CDH7: variants seen among roughly 807,000 people sequenced by gnomAD.
CDH7 encodes the protein cadherin 7.
Under a neutral mutation model 71.8 loss-of-function variants are expected in CDH7, and 25 were observed. The ratio of observed to expected loss-of-function variants is 0.35; its 90% CI spans 0.25 to 0.49. The LOEUF (loss-of-function observed/expected upper bound fraction) is 0.49. Ranked by LOEUF, CDH7 falls within the 20% of genes least tolerant of loss-of-function variation. The probability of loss-of-function intolerance (pLI) is 0.99; values close to 1 mark genes in which losing one functional copy is unlikely to be tolerated. For synonymous variants in CDH7, 381 were observed against 363.8 expected, an observed-to-expected ratio of 1.05 and a Z score of -0.54; for missense variants, 862 against 974.6, an observed-to-expected ratio of 0.88 and a Z score of 1.54.
At chr18:65,775,843 T>G (rs114029762) in intron 2 of CDH7, among the ~76,000 whole-genome samples, 383 of 152,284 alleles carry the variant, frequency 2.5e-3, no homozygotes, top group African/African-American at 8.4e-3. Context: ...AACAGCCAAG[T>G]CCTTTAAATT....
intron 7 of CDH7, among the ~76,000 whole-genome samples, chr18:65,848,267 A>G (rs144280820): frequency 1.1e-4 from 17 of 152,288 alleles, no homozygotes; most frequent in African/African-American, 3.6e-4. Flanking sequence ...CTGATCAATG[A>G]CTGAACAGGC....
intron 7 of CDH7, among the ~76,000 whole-genome samples, chr18:65,852,055 C>T (rs558318477): frequency 2.6e-4 from 39 of 152,180 alleles, no homozygotes; most frequent in Admixed American, 2.5e-3. Flanking sequence ...GAATGACCAA[C>T]ATGAGAAAAG....
intron 11 of CDH7, chr18:65,866,298 C>CAA (rs764157639): frequency 1.1e-3 from 1 of 944 alleles, no homozygotes; most frequent in Non-Finnish European, 1.6e-3. Flanking sequence ...GACTCCGTCT[C>CAA]AAAAAAAAAA....
At position 65,804,203 on chromosome 18, in the gene CDH7, T is replaced by C. The variant is rs188203957; in HGVS notation, c.211-5501T>C. 3.0e-3 allele frequency among the ~76,000 whole-genome samples: 454 copies of C among 152,272 alleles called. 4 individuals carry two copies. The highest frequency in any genetic ancestry group is 5.0e-3 in the Non-Finnish European group (337 of 68,002). On this transcript the variant is annotated intron_variant, in intron 2 of 11. Transcript: ENST00000397968. ...TTTCAAAGGCAAAGACATCAAAAAG[T>C]GCAACTCTAACATTATAACAATTTA...
intron 2 of CDH7, among the ~76,000 whole-genome samples, chr18:65,805,335 T>C (rs73966309): frequency 0.014 from 2,081 of 152,312 alleles, 48 homozygotes; most frequent in African/African-American, 0.048. Context: ...AAATGCTTGC[T>C]ATGCTCAGGC....
chr18:65,839,495 G>A (rs956111620), intron 6 of CDH7, among the ~76,000 whole-genome samples: 2 of 152,136 alleles, frequency 1.3e-5, no homozygotes, highest in Non-Finnish European at 2.9e-5. Flanking sequence ...CATCACCTTG[G>A]GGGTTAGGAT....
rs1323459207 is a variant in CDH7 at position 65,884,583 on chromosome 18, A to G, written c.*3689A>G. On this transcript the variant is annotated 3_prime_UTR_variant, in exon 12 of 12. Transcript: ENST00000397968. ...ATGGTAGACATAGGCAATTATTTTC[A>G]TGTCAACGGCATAGTTACACAATGT... The G allele has an allele frequency of 6.6e-6, 1 of 152,180 alleles. No individual in the cohort carries two copies. Among genetic ancestry groups the G allele is most frequent in the Non-Finnish European group, 1.5e-5 (1 of 68,034 alleles). 9.4% of individuals were successfully genotyped at this position (152,180 alleles called of 1,614,324 possible).
chr18:65,871,132 T>C (rs1274827122), intron 11 of CDH7, among the ~76,000 whole-genome samples: 1 of 152,202 alleles, frequency 6.6e-6, no homozygotes, highest in Non-Finnish European at 1.5e-5. Flanking sequence ...GTTTACATTT[T>C]ATCTGTGTAT....
At chr18:65,764,723 A>G (rs1916302507) in intron 2 of CDH7, among the ~76,000 whole-genome samples, 1 of 152,074 alleles carries the variant, frequency 6.6e-6, no homozygotes, top group Non-Finnish European at 1.5e-5. Flanking sequence ...AATTTTCTAA[A>G]AGCAGCAAAA....
At chr18:65,797,546 G>A (rs1487506929) in intron 2 of CDH7, among the ~76,000 whole-genome samples, 1 of 152,020 alleles carries the variant, frequency 6.6e-6, no homozygotes, top group African/African-American at 2.4e-5. Context: ...CCTCTCTTAG[G>A]CGTCCTTAGG....
chr18:65,828,281 T>C (rs1912205544), intron 6 of CDH7, among the ~76,000 whole-genome samples: 1 of 152,160 alleles, frequency 6.6e-6, no homozygotes, highest in African/African-American at 2.4e-5. Context: ...ATTTGCGTTT[T>C]ACTGCAGTTT....
chr18:65,835,412 G>A (rs1912498063), intron 6 of CDH7, among the ~76,000 whole-genome samples: 2 of 152,120 alleles, frequency 1.3e-5, no homozygotes, highest in African/African-American at 4.8e-5. Context: ...AATGGCCAAG[G>A]AAATACTGAA....
intron 11 of CDH7, among the ~76,000 whole-genome samples, chr18:65,875,782 G>T (rs1914056709): frequency 6.6e-6 from 1 of 152,150 alleles, no homozygotes; most frequent in East Asian, 1.9e-4. Flanking sequence ...ACAAAAAATA[G>T]CCATGTGTGG....
At chr18:65,858,021 T>A (rs559521264) in intron 8 of CDH7, 69 bp downstream of exon 8, 1 of 1,476,582 alleles carries the variant, frequency 6.8e-7, no homozygotes, top group African/African-American at 1.4e-5. Flanking sequence ...GTCATGAGGT[T>A]GTAAATTCAA....
chr18:65,866,645 A>C (rs545995071), intron 11 of CDH7, among the ~76,000 whole-genome samples: 88 of 152,306 alleles, frequency 5.8e-4, no homozygotes, highest in Admixed American at 4.9e-3. Context: ...CCTTATTCTC[A>C]ATCACTGATT....
chr18:65,768,458 A>C (rs545784210), intron 2 of CDH7, among the ~76,000 whole-genome samples: 1 of 151,550 alleles, frequency 6.6e-6, no homozygotes, highest in Non-Finnish European at 1.5e-5. Flanking sequence ...CTGGTTTCGA[A>C]CTCCTGACTT....
At position 65,766,067 on chromosome 18, in the gene CDH7, G is replaced by A. The variant is rs753299136; in HGVS notation, c.210+3015G>A. ...CTGTGTGATTCCTCAGATGAAAGCC[G>A]GTATTATTTTATGTTCTAATAGTGT... is the stretch of plus-strand genomic sequence containing the variant. On this transcript the variant is annotated intron_variant, in intron 2 of 11. Transcript: ENST00000397968. 3.3e-5 allele frequency among the ~76,000 whole-genome samples: 5 copies of A among 151,970 alleles called. No homozygotes were observed. In the South Asian group the frequency reaches 6.2e-4, roughly 19 times the overall value.
chr18:65,799,443 C>T (rs1274788749), intron 2 of CDH7, among the ~76,000 whole-genome samples: 2 of 151,946 alleles, frequency 1.3e-5, no homozygotes, highest in Non-Finnish European at 2.9e-5. Flanking sequence ...TTTGGGAGGC[C>T]GAGGTGGGCG....
At chr18:65,821,448 A>T (rs1285831882) in intron 4 of CDH7, among the ~76,000 whole-genome samples, 2 of 152,164 alleles carry the variant, frequency 1.3e-5, no homozygotes, top group Non-Finnish European at 2.9e-5. Context: ...ACTTAAAGTG[A>T]GCCTGGATTG....
Sources: gnomAD v4.1 joint callset for allele counts (sites outside exome capture counted in the v4.1 genomes callset) on GRCh38, gnomAD v4.1.1 for gene constraint, MANE v1.5 for transcripts, NCBI Gene and HGNC (gene_info 2026-07-23, HGNC 2026-07-21) for gene names.